GSE1: variants seen among roughly 807,000 people sequenced by gnomAD.
The protein encoded by GSE1 is genetic suppressor element 1.
Under a neutral mutation model 112.6 loss-of-function variants are expected in GSE1, and 32 were observed. The observed-to-expected ratio is 0.28, with a 90% CI of 0.21 to 0.38. The LOEUF (loss-of-function observed/expected upper bound fraction) is 0.38. Ranked by LOEUF, GSE1 falls within the 10% of genes least tolerant of loss-of-function variation. The pLI is 1.00. For missense variants in GSE1, 2,348 were observed against 1,699.2 expected (o/e 1.38, Z -6.71); for synonymous variants, 1,115 against 735.6 (o/e 1.52, Z -8.35).
At chr16:85,377,001 A>G (rs1460708971) in intron 2 of GSE1, among the ~76,000 whole-genome samples, 1 of 152,156 alleles carries the variant, frequency 6.6e-6, no homozygotes, top group Non-Finnish European at 1.5e-5. Context: ...GCCCAGTGTG[A>G]GTGACCCAGG....
At chr16:85,249,708 G>T (rs1243080107) in intron 1 of GSE1, among the ~76,000 whole-genome samples, 2 of 152,214 alleles carry the variant, frequency 1.3e-5, no homozygotes, top group Non-Finnish European at 2.9e-5. Context: ...CCCGCAGCAG[G>T]ACATTTGGGA....
At chr16:85,660,287 G>A (rs1468377298) in intron 8 of GSE1, among the ~76,000 whole-genome samples, 3 of 152,202 alleles carry the variant, frequency 2.0e-5, no homozygotes, top group African/African-American at 7.2e-5. Flanking sequence ...GCCTTCCCTA[G>A]CAGCTTAGGC....
intron 2 of GSE1, among the ~76,000 whole-genome samples, chr16:85,421,372 C>G (rs1206042180): frequency 6.6e-6 from 1 of 152,116 alleles, no homozygotes; most frequent in Admixed American, 6.5e-5. Flanking sequence ...CCTCTGGACA[C>G]TCAGCACCGG....
chr16:85,551,086 G>T (rs2151236486), upstream of GSE1, among the ~76,000 whole-genome samples: 1 of 152,252 alleles, frequency 6.6e-6, no homozygotes, highest in East Asian at 1.9e-4. Flanking sequence ...TCTTTAACAA[G>T]GGCTACCTGG....
At chr16:85,296,172 G>T (rs979393056) in intron 1 of GSE1, among the ~76,000 whole-genome samples, 1 of 152,154 alleles carries the variant, frequency 6.6e-6, no homozygotes, top group Non-Finnish European at 1.5e-5. Flanking sequence ...GGTACGAAAG[G>T]CACGCTAGGG....
rs143448058 is a variant in GSE1, at chr16:85,380,695, G to A, written c.2464+23052G>A. 7.0e-4 allele frequency among the ~76,000 whole-genome samples: 107 copies of A among 152,246 alleles called. 2 individuals carry two copies. The East Asian group carries it at 0.019, about 27-fold the overall frequency. On this transcript the variant is annotated intron_variant, in intron 2 of 2. Coordinates refer to the GSE1 transcript ENST00000637419. ...TAACAAATTGGCTCCATTTGGCGTG[G>A]CCCCGGACCTAATTAGATCTAATTA...
intron 1 of GSE1, among the ~76,000 whole-genome samples, chr16:85,590,034 G>A (rs909342894): frequency 1.3e-5 from 2 of 151,730 alleles, no homozygotes; most frequent in Non-Finnish European, 2.9e-5. Context: ...TGAGACGTGA[G>A]TGTGAATGTG....
rs769838290 is a variant in GSE1, at chr16:85,634,070, C to G, written c.164C>G (p.Ala55Gly). 3 of 1,605,126 alleles carry G rather than the reference C, an allele frequency of 1.9e-6. No homozygotes were observed. The highest frequency in any genetic ancestry group is 2.5e-6 in the Non-Finnish European group (3 of 1,176,496). The change falls in exon 2 of 16, where the codon GCG becomes GGG. Residue 55 changes from alanine (A) to glycine (G), a missense_variant. Coordinates refer to ENST00000253458, the MANE Select transcript of GSE1 (RefSeq NM_014615.5). ...ATSSALSAQA[A>G]PSSSFAAALR... ...AGCAGCGCGCTGTCGGCCCAGGCCG[C>G]GCCATCCTCCAGCTTTGCCGCCGCG...
At chr16:85,198,712 G>C (rs1425765294) in intron 1 of GSE1, among the ~76,000 whole-genome samples, 1 of 151,936 alleles carries the variant, frequency 6.6e-6, no homozygotes, top group Non-Finnish European at 1.5e-5. Flanking sequence ...CCCCCACCCC[G>C]ACCCTTTAGC....
chr16:85,173,616 C>G (rs2074402573), intron 1 of GSE1, among the ~76,000 whole-genome samples: 1 of 152,184 alleles, frequency 6.6e-6, no homozygotes, highest in Admixed American at 6.5e-5. Context: ...GCAGTCAGAA[C>G]TCTCTGCAAA....
chr16:85,334,965 A>G (rs1439255778), intron 1 of GSE1, among the ~76,000 whole-genome samples: 1 of 152,168 alleles, frequency 6.6e-6, no homozygotes, highest in East Asian at 1.9e-4. Flanking sequence ...TTCACCAGGC[A>G]CTTCCTCCCT....
At chr16:85,494,672 G>A (rs1420568435) in intron 2 of GSE1, among the ~76,000 whole-genome samples, 1 of 152,094 alleles carries the variant, frequency 6.6e-6, no homozygotes, top group Non-Finnish European at 1.5e-5. Flanking sequence ...CCAAAGTGCT[G>A]GGACTGCAGG....
At chr16:85,499,584 G>A (rs1445821630) in intron 2 of GSE1, among the ~76,000 whole-genome samples, 1 of 152,128 alleles carries the variant, frequency 6.6e-6, no homozygotes, top group Non-Finnish European at 1.5e-5. Context: ...GGGATTACAG[G>A]CGTGAGCCAC....
At chr16:85,670,400 G>A (rs538809663) in intron 14 of GSE1, among the ~76,000 whole-genome samples, 1 of 151,614 alleles carries the variant, frequency 6.6e-6, no homozygotes, top group Non-Finnish European at 1.5e-5. Context: ...TCTTGATGTT[G>A]CTCCATCCTT....
chr16:85,450,838 A>T (rs1198587847), intron 2 of GSE1, among the ~76,000 whole-genome samples: 3 of 152,000 alleles, frequency 2.0e-5, no homozygotes, highest in Non-Finnish European at 4.4e-5. Flanking sequence ...AGGTGGGCCG[A>T]TCACCTAAGG....
At chr16:85,463,959 C>T (rs1179174319) in intron 2 of GSE1, among the ~76,000 whole-genome samples, 3 of 152,172 alleles carry the variant, frequency 2.0e-5, no homozygotes, top group Non-Finnish European at 2.9e-5. Flanking sequence ...TTTGGGGTGG[C>T]TCCAGTGACA....
At chr16:85,317,524 G>A (rs868246381) in intron 1 of GSE1, among the ~76,000 whole-genome samples, 12 of 152,140 alleles carry the variant, frequency 7.9e-5, no homozygotes, top group African/African-American at 1.7e-4. Flanking sequence ...CCCGTGGTCC[G>A]TGGCAGGACT....
intron 2 of GSE1, among the ~76,000 whole-genome samples, chr16:85,543,595 C>T (rs934879152): frequency 1.2e-4 from 18 of 152,128 alleles, no homozygotes; most frequent in African/African-American, 4.3e-4. Context: ...GTCTTGGAAC[C>T]ATTGGTTCTA....
intron 1 of GSE1, among the ~76,000 whole-genome samples, chr16:85,201,159 A>G (rs867925656): frequency 1.3e-4 from 20 of 152,046 alleles, no homozygotes; most frequent in Admixed American, 3.3e-4. Context: ...TGCAGCCTCA[A>G]CCTCCCCGGT....
Sources: allele counts gnomAD v4.1 joint callset (sites outside exome capture counted in the v4.1 genomes callset), GRCh38; gene constraint gnomAD v4.1.1; transcripts MANE v1.5; gene names NCBI Gene and HGNC (gene_info 2026-07-23, HGNC 2026-07-21).